Variants in MED13 observed in about 807,000 individuals in gnomAD.
MED13 encodes mediator of RNA polymerase II transcription subunit 13.
A neutral mutation model predicts 225.2 loss-of-function variants in MED13; 23 were observed. The ratio of observed to expected loss-of-function variants is 0.10; its 90% CI spans 0.07 to 0.14. The LOEUF is 0.14. MED13 is among the 10% of genes least tolerant of loss of function. MED13 has a pLI of 1.00. For synonymous variants in MED13, 942 were observed against 889.2 expected, an observed-to-expected ratio of 1.06 and a Z score of -1.06; for missense variants, 2,197 against 2,594.5, an observed-to-expected ratio of 0.85 and a Z score of 3.33.
intron 3 of MED13, among the ~76,000 whole-genome samples, chr17:62,050,159 G>A (rs2080943137): frequency 6.6e-6 from 1 of 151,984 alleles, no homozygotes; most frequent in Non-Finnish European, 1.5e-5. Context: ...AAGAGTTCAA[G>A]ACCAGCCTAG....
intron 22 of MED13, 146 bp from the exon 23 acceptor site, chr17:61,961,236 A>G (rs2079996449): frequency 1.3e-6 from 1 of 783,986 alleles, no homozygotes; most frequent in Admixed American, 2.9e-5. Context: ...GCATAGTATC[A>G]TAAAAATGTT....
intron 3 of MED13, among the ~76,000 whole-genome samples, chr17:62,042,616 T>C (rs1319189598): frequency 1.3e-5 from 2 of 151,564 alleles, no homozygotes; most frequent in African/African-American, 4.9e-5. Context: ...AACAACATTA[T>C]TCTGGTTTAC....
chr17:62,028,679 TAAA>T (rs778025381), intron 8 of MED13, among the ~76,000 whole-genome samples: 1 of 141,648 alleles, frequency 7.1e-6, no homozygotes, highest in Non-Finnish European at 1.5e-5. Context: ...GTCTCTACTT[TAAA>T]AAAAAAAAAA....
At chr17:62,001,437 TAAC>T (rs2080394161) in intron 9 of MED13, among the ~76,000 whole-genome samples, 1 of 152,236 alleles carries the variant, frequency 6.6e-6, no homozygotes. Context: ...AACCTTTCAA[TAAC>T]ATTACTTGGT....
chr17:62,038,061 A>G (rs2143702051), intron 3 of MED13, among the ~76,000 whole-genome samples: 1 of 151,848 alleles, frequency 6.6e-6, no homozygotes, highest in East Asian at 2.0e-4. Flanking sequence ...ATAGTTCTTA[A>G]AAACACAGTT....
rs569143454 is a variant in MED13, at chr17:62,007,036, TCAAGACCATCCTGG to T, written c.1967+3500_1967+3513del. On this transcript the variant is annotated intron_variant, in intron 9 of 29. Transcript: ENST00000397786. The stretch of plus-strand genomic sequence containing the variant: ...GCAGGCAGATCACGAGGTCAGGAGA[TCAAGACCATCCTGG>T]CTAACAAGGTGAAACCCCGTCTCTG... 1,007 of 152,086 alleles carry T rather than the reference TCAAGACCATCCTGG, an allele frequency of 6.6e-3. 3 individuals are homozygous for T. The highest frequency in any genetic ancestry group is 0.013 in the Middle Eastern group (4 of 300). 9.4% of individuals were successfully genotyped at this position (152,086 alleles called of 1,614,324 possible). A position where few individuals can be genotyped will look rare whatever the true frequency, so the allele number is the denominator to read the frequency against.
At chr17:62,061,658 CT>C (rs2081040202) in intron 2 of MED13, among the ~76,000 whole-genome samples, 1 of 152,246 alleles carries the variant, frequency 6.6e-6, no homozygotes, top group Non-Finnish European at 1.5e-5. Flanking sequence ...AACTCAAATA[CT>C]ATATCCAAAA....
chr17:62,034,717 T>G (rs1347552595), intron 4 of MED13, among the ~76,000 whole-genome samples: 4 of 152,188 alleles, frequency 2.6e-5, no homozygotes, highest in Admixed American at 1.3e-4. Context: ...AAGAACACAC[T>G]GCCAAGCCTT....
chr17:62,040,400 C>A (rs571427520), intron 3 of MED13, among the ~76,000 whole-genome samples: 1 of 152,104 alleles, frequency 6.6e-6, no homozygotes, highest in South Asian at 2.1e-4. Flanking sequence ...AATCTTCCAT[C>A]GTGGAAAAAA....
chr17:62,015,201 A>G (rs1028218234), intron 8 of MED13, among the ~76,000 whole-genome samples: 7 of 152,224 alleles, frequency 4.6e-5, no homozygotes, highest in African/African-American at 1.7e-4. Context: ...AGGTATCATA[A>G]TATTAGGTAT....
At chr17:62,051,231 A>G (rs1306990806) in intron 3 of MED13, among the ~76,000 whole-genome samples, 1 of 152,148 alleles carries the variant, frequency 6.6e-6, no homozygotes, top group African/African-American at 2.4e-5. Flanking sequence ...TTACTTTCTG[A>G]CTCAGGTGCC....
chr17:62,026,817 G>A (rs1001061742), intron 8 of MED13, among the ~76,000 whole-genome samples: 2 of 152,008 alleles, frequency 1.3e-5, no homozygotes, highest in African/African-American at 2.4e-5. Flanking sequence ...AGCCAAATCA[G>A]AAATGCAATC....
chr17:61,964,174 G>GT (rs776592245), intron 20 of MED13, among the ~76,000 whole-genome samples: 1 of 152,158 alleles, frequency 6.6e-6, no homozygotes, highest in Non-Finnish European at 1.5e-5. Flanking sequence ...TGTCATATGG[G>GT]TATCTGGACT....
Position 61,956,304 on chromosome 17 carries a change from C to T in MED13, c.5623+35G>A, listed in dbSNP as rs377229822. On this transcript the variant is annotated intron_variant, in intron 24 of 29. Coordinates refer to ENST00000397786, the MANE Select transcript of MED13 (RefSeq NM_005121.3). ...GAACTGTGTGTGAATTTACATAAAA[C>T]GGAAATATAAATACTAATAAAAGCA... 1.2e-4 allele frequency: 182 copies of T among 1,581,316 alleles called. No individual in the cohort carries two copies. In the African/African-American group the frequency reaches 1.8e-3, roughly 16 times the overall value.
At chr17:61,996,515 T>C (rs1603399493) in intron 9 of MED13, among the ~76,000 whole-genome samples, 2 of 152,324 alleles carry the variant, frequency 1.3e-5, no homozygotes, top group East Asian at 3.9e-4. Flanking sequence ...TCCTCTCTTA[T>C]ACTGCTTCCA....
chr17:62,032,242 G>A (rs2080764153), intron 5 of MED13: 3 of 151,886 alleles, frequency 2.0e-5, no homozygotes, highest in Non-Finnish European at 4.4e-5. Flanking sequence ...GGGAGGCCGA[G>A]GCAGGTGGGT....
At chr17:61,997,854 T>TG (rs2080359230) in intron 9 of MED13, among the ~76,000 whole-genome samples, 1 of 152,156 alleles carries the variant, frequency 6.6e-6, no homozygotes, top group Non-Finnish European at 1.5e-5. Context: ...CATAAGTAGT[T>TG]GCTAGACTAC....
At chr17:62,007,001 G>A (rs914334714) in intron 9 of MED13, 4 of 152,090 alleles carry the variant, frequency 2.6e-5, no homozygotes, top group Non-Finnish European at 4.4e-5. Context: ...CAGCACTTTG[G>A]GAGGTCAAGG....
chr17:62,023,877 T>C (rs2080673792), intron 8 of MED13, among the ~76,000 whole-genome samples: 1 of 152,158 alleles, frequency 6.6e-6, no homozygotes, highest in African/African-American at 2.4e-5. Flanking sequence ...GTAATACTAA[T>C]TTTTTTAAGT....
Sources: gnomAD v4.1 joint callset for allele counts (sites outside exome capture counted in the v4.1 genomes callset) on GRCh38, gnomAD v4.1.1 for gene constraint, MANE v1.5 for transcripts, NCBI Gene and HGNC (gene_info 2026-07-23, HGNC 2026-07-21) for gene names.